The following SPOCK1 variants were observed in gnomAD, a reference collection of about 807,000 sequenced individuals.
The protein encoded by SPOCK1 is testican-1.
In SPOCK1, 23 loss-of-function variants were observed where a neutral mutation model predicts 55.3. The ratio of observed to expected loss-of-function variants is 0.42; its 90% CI spans 0.30 to 0.59. The LOEUF (loss-of-function observed/expected upper bound fraction) is 0.59, where lower values mean the gene tolerates loss of function less well. Ranked by LOEUF, SPOCK1 falls within the 20% of genes least tolerant of loss-of-function variation. The probability of loss-of-function intolerance (pLI) is 0.22; values close to 1 mark genes in which losing one functional copy is unlikely to be tolerated. For missense variants in SPOCK1, 499 were observed against 552.5 expected, an observed-to-expected ratio of 0.90 and a Z score of 0.97; for synonymous variants, 226 against 221.0, an observed-to-expected ratio of 1.02 and a Z score of -0.20.
At chr5:137,457,680 C>T (rs183197696) in intron 2 of SPOCK1, among the ~76,000 whole-genome samples, 2 of 152,220 alleles carry the variant, frequency 1.3e-5, no homozygotes, top group East Asian at 1.9e-4. Context: ...CAACTATGTG[C>T]CAAATAGCGT....
chr5:137,088,454 A>T (rs919081096), intron 5 of SPOCK1, among the ~76,000 whole-genome samples: 1 of 152,218 alleles, frequency 6.6e-6, no homozygotes, highest in African/African-American at 2.4e-5. Context: ...GATACAAATC[A>T]CCTGATCGGC....
At chr5:137,287,717 A>G (rs1351975946) in intron 2 of SPOCK1, among the ~76,000 whole-genome samples, 2 of 152,160 alleles carry the variant, frequency 1.3e-5, no homozygotes, top group East Asian at 1.9e-4. Context: ...TAAACAGCCA[A>G]TTTTTATGCT....
At chr5:137,372,196 G>A (rs919935221) in intron 2 of SPOCK1, among the ~76,000 whole-genome samples, 9 of 152,190 alleles carry the variant, frequency 5.9e-5, no homozygotes, top group African/African-American at 1.4e-4. Flanking sequence ...ACTGGACTGT[G>A]TAGGTCTAAA....
chr5:137,141,485 T>G (rs781516169), intron 3 of SPOCK1, among the ~76,000 whole-genome samples: 36 of 152,220 alleles, frequency 2.4e-4, no homozygotes, highest in Non-Finnish European at 3.4e-4. Context: ...CTTCAGGATA[T>G]GTAAGACAGT....
chr5:137,342,645 G>A (rs1182162565), intron 2 of SPOCK1, among the ~76,000 whole-genome samples: 1 of 152,210 alleles, frequency 6.6e-6, no homozygotes, highest in Non-Finnish European at 1.5e-5. Context: ...GTCTTCACAG[G>A]TTATTTAAAA....
intron 3 of SPOCK1, among the ~76,000 whole-genome samples, chr5:137,185,401 C>A (rs919713258): frequency 6.6e-6 from 1 of 152,224 alleles, no homozygotes; most frequent in African/African-American, 2.4e-5. Context: ...AGCTGCAGGT[C>A]ATGAGCTGAG....
intron 8 of SPOCK1, among the ~76,000 whole-genome samples, chr5:136,985,792 T>C (rs1478429154): frequency 6.6e-6 from 1 of 152,222 alleles, no homozygotes; most frequent in East Asian, 1.9e-4. Flanking sequence ...CTCTGGGTCC[T>C]CAGCGGCAAA....
rs980958039 is a variant in SPOCK1, at chr5:137,146,770, C to T, written c.233-6076G>A. Among the ~76,000 whole-genome samples, 130 of 152,304 alleles carry T rather than the reference C, an allele frequency of 8.5e-4. 1 individual carries two copies. The highest frequency in any genetic ancestry group is 2.8e-3 in the African/African-American group (117 of 41,564). On this transcript the variant is annotated intron_variant, in intron 3 of 10. Coordinates refer to ENST00000394945, the MANE Select transcript of SPOCK1 (RefSeq NM_004598.4). Reference sequence around the variant, plus strand: ...AGAGAAGAATGGCAGCTTGGAAAGCCTCCTCACAATTCTTTCCTTTCATAT... The same window carrying T: ...AGAGAAGAATGGCAGCTTGGAAAGCTTCCTCACAATTCTTTCCTTTCATAT...
At chr5:137,449,535 C>T (rs1753205237) in intron 2 of SPOCK1, among the ~76,000 whole-genome samples, 1 of 152,138 alleles carries the variant, frequency 6.6e-6, no homozygotes, top group Non-Finnish European at 1.5e-5. Flanking sequence ...ATTTTAGAGC[C>T]TCTTGCCTCT....
chr5:136,978,372 G>A lies in SPOCK1; in HGVS notation c.*282C>T, dbSNP rs1473183756. On this transcript the variant is annotated 3_prime_UTR_variant, in exon 11 of 11. Transcript: ENST00000394945. ...TTCCACGTAAATCACATGCTTGTTG[G>A]AAAAATCTCACAGAAAGGAAGGAGG... The A allele has an allele frequency of 8.0e-6, 3 of 372,966 alleles. No individual in the cohort carries two copies. The highest frequency in any genetic ancestry group is 2.1e-5 in the African/African-American group (1 of 47,816). 23.1% of individuals were successfully genotyped at this position (372,966 alleles called of 1,614,324 possible). A position where few individuals can be genotyped will look rare whatever the true frequency, so the allele number is the denominator to read the frequency against.
chr5:137,272,507 G>A (rs1167297116), intron 2 of SPOCK1, among the ~76,000 whole-genome samples: 1 of 152,132 alleles, frequency 6.6e-6, no homozygotes, highest in Non-Finnish European at 1.5e-5. Context: ...CTACCTCTGA[G>A]CTGTTTTCAT....
chr5:137,434,420 T>A (rs998280117), intron 2 of SPOCK1, among the ~76,000 whole-genome samples: 1 of 150,986 alleles, frequency 6.6e-6, no homozygotes, highest in Non-Finnish European at 1.5e-5. Flanking sequence ...CTCAAGGAAG[T>A]AGGTACAAAT....
At position 137,140,647 on chromosome 5, in the gene SPOCK1, G is replaced by C. The variant is rs778918633; in HGVS notation, c.280C>G (p.His94Asp). 6.2e-7 allele frequency: 1 copy of C among 1,613,854 alleles called. No homozygotes were observed. The highest frequency in any genetic ancestry group is 1.1e-5 in the South Asian group (1 of 90,996). The stretch of plus-strand genomic sequence containing the variant: ...TAGTCCTGGGTCACACACACTTTGT[G>C]AGGGCTGCATTTTACCTTCAGGCAG... ...DPCLKVKCSP[H>D]KVCVTQDYQT... The change falls in exon 4 of 11, where the codon CAC becomes GAC. Residue 94 changes from histidine to aspartate, a missense_variant. Physicochemically the swap from His to Asp is moderately conservative, Grantham distance 81. This residue lies in a region of SPOCK1 where 386 missense variants were observed against 400.6 expected (regional missense o/e 0.96). Coordinates refer to ENST00000394945, the MANE Select transcript of SPOCK1 (RefSeq NM_004598.4).
intron 2 of SPOCK1, among the ~76,000 whole-genome samples, chr5:137,289,788 A>G (rs1317678919): frequency 6.6e-6 from 1 of 152,198 alleles, no homozygotes; most frequent in East Asian, 1.9e-4. Flanking sequence ...AAACCAACAA[A>G]TGGCTTGCAT....
intron 3 of SPOCK1, among the ~76,000 whole-genome samples, chr5:137,212,107 T>C (rs552502217): frequency 6.6e-6 from 1 of 151,966 alleles, no homozygotes; most frequent in East Asian, 1.9e-4. Context: ...CGAAGGGGGG[T>C]CCATCTTGTG....
intron 3 of SPOCK1, among the ~76,000 whole-genome samples, chr5:137,152,159 T>G (rs1754329295): frequency 6.6e-6 from 1 of 152,232 alleles, no homozygotes; most frequent in Non-Finnish European, 1.5e-5. Context: ...CTATAGGAAC[T>G]GGTAAGTGCC....
At chr5:137,194,083 A>T (rs1399672125) in intron 3 of SPOCK1, among the ~76,000 whole-genome samples, 1 of 152,154 alleles carries the variant, frequency 6.6e-6, no homozygotes, top group Non-Finnish European at 1.5e-5. Flanking sequence ...CCTAAGAAAA[A>T]ATATTGCACA....
chr5:137,165,166 T>C (rs1754623617), intron 3 of SPOCK1, among the ~76,000 whole-genome samples: 2 of 152,192 alleles, frequency 1.3e-5, no homozygotes, highest in South Asian at 2.1e-4. Flanking sequence ...CTAGGGGTGG[T>C]GGCCACAAGG....
chr5:137,102,555 T>A (rs1178623396), intron 5 of SPOCK1, among the ~76,000 whole-genome samples: 1 of 152,172 alleles, frequency 6.6e-6, no homozygotes, highest in East Asian at 1.9e-4. Context: ...TGTCCTTTTT[T>A]GGGTTGAGTC....
Sources: gnomAD v4.1 joint callset for allele counts (sites outside exome capture counted in the v4.1 genomes callset) on GRCh38, gnomAD v4.1.1 for gene constraint, gnomAD v4.1.1 regional missense constraint, MANE v1.5 for transcripts, NCBI Gene and HGNC (gene_info 2026-07-23, HGNC 2026-07-21) for gene names.